TMEM245: variants seen among roughly 807,000 people sequenced by gnomAD.
The protein encoded by TMEM245 is transmembrane protein 245.
TMEM245 carries 69 observed loss-of-function variants against 101.2 expected under a neutral mutation model. That is an observed-to-expected ratio of 0.68 (90% CI 0.56 to 0.83). TMEM245 has a LOEUF of 0.83. TMEM245 is among the 40% of genes least tolerant of loss of function. The probability of loss-of-function intolerance (pLI) is 0.00; values close to 1 mark genes in which losing one functional copy is unlikely to be tolerated. For synonymous variants in TMEM245, 537 were observed against 449.8 expected, an observed-to-expected ratio of 1.19 and a Z score of -2.45; for missense variants, 1,075 against 1,092.8, an observed-to-expected ratio of 0.98 and a Z score of 0.23.
rs373014413 is a variant in TMEM245, at chr9:109,063,682, C to G, written c.1623+795G>C. Among the ~76,000 whole-genome samples the G allele has an allele frequency of 1.3e-3, 201 of 152,204 alleles. 1 individual carries two copies. The highest frequency in any genetic ancestry group is 4.6e-3 in the Admixed American group (71 of 15,286). On this transcript the variant is annotated intron_variant, in intron 10 of 17. Coordinates refer to ENST00000374586, the MANE Select transcript of TMEM245 (RefSeq NM_032012.4). ...GGAATCTAATCCTTAACTGTGCTGC[C>G]TTTCCTCTATCATTCATTTCCCCTT... is the stretch of plus-strand genomic sequence containing the variant.
chr9:109,093,001 G>C (rs779003117), intron 4 of TMEM245, among the ~76,000 whole-genome samples: 1 of 152,152 alleles, frequency 6.6e-6, no homozygotes, highest in Non-Finnish European at 1.5e-5. Flanking sequence ...CCAAAAAAAG[G>C]GTTGGGAAAA....
Position 109,019,137 on chromosome 9 carries a change from C to T in TMEM245, c.*1323G>A, listed in dbSNP as rs1446824006. On this transcript the variant is annotated 3_prime_UTR_variant, in exon 18 of 18. Coordinates refer to ENST00000374586, the MANE Select transcript of TMEM245 (RefSeq NM_032012.4). ...ACAGTAGAAAGGGTTCAGCTAAGAACTACAGTCCACTCTCAGCCCTGTCAT... is the reference window on the plus strand; with the variant it reads ...ACAGTAGAAAGGGTTCAGCTAAGAATTACAGTCCACTCTCAGCCCTGTCAT... The T allele has an allele frequency of 3.9e-5, 6 of 152,094 alleles. No individual in the cohort carries two copies. The highest frequency in any genetic ancestry group is 6.6e-5 in the Admixed American group (1 of 15,262). 9.4% of individuals were successfully genotyped at this position (152,094 alleles called of 1,614,324 possible).
chr9:109,106,837 T>C lies in TMEM245; in HGVS notation c.698-228A>G, dbSNP rs374746961. On this transcript the variant is annotated intron_variant, in intron 2 of 17. Coordinates refer to ENST00000374586, the MANE Select transcript of TMEM245 (RefSeq NM_032012.4). ...CCCCTGGTCAAATGGATAGGGTACATGCCTGCCTACCTTTAATGGGGTTCT... is the reference window on the plus strand; with the variant it reads ...CCCCTGGTCAAATGGATAGGGTACACGCCTGCCTACCTTTAATGGGGTTCT... 8.9e-4 allele frequency among the ~76,000 whole-genome samples: 135 copies of C among 152,256 alleles called. 2 individuals are homozygous for C. In the South Asian group the frequency reaches 0.025, roughly 28 times the overall value.
chr9:109,040,321 CTTCT>C (rs1828265021), intron 14 of TMEM245, among the ~76,000 whole-genome samples: 2 of 152,276 alleles, frequency 1.3e-5, no homozygotes, highest in South Asian at 4.1e-4. Flanking sequence ...GCAACTTTTT[CTTCT>C]TTTTTATATC....
intron 1 of TMEM245, among the ~76,000 whole-genome samples, chr9:109,118,459 A>G (rs1001257759): frequency 1.3e-5 from 2 of 152,238 alleles, no homozygotes; most frequent in African/African-American, 2.4e-5. Context: ...AACAGTCTCC[A>G]GTTAAATATG....
chr9:109,119,422 G>T lies in TMEM245; in HGVS notation c.492C>A (p.Cys164Ter). ...CCTGCACGCCCAAGTAGCTGCCGAGGCAGTAGAGGCCGTACAGGAGCGGGC... is the reference window on the plus strand; with the variant it reads ...CCTGCACGCCCAAGTAGCTGCCGAGTCAGTAGAGGCCGTACAGGAGCGGGC... ...AGGPLLYGLY[C>*]LGSYLGVQVL... Residue 164 changes from cysteine (C) to a stop codon, truncating the protein, a stop_gained, in exon 1 of 18, where the codon TGC (cysteine) becomes TGA (stop). Transcript: ENST00000374586. LOFTEE classifies it high-confidence loss of function. The T allele has an allele frequency of 6.6e-6, 10 of 1,524,634 alleles. No homozygotes were observed. The highest frequency in any genetic ancestry group is 8.8e-6 in the Non-Finnish European group (10 of 1,140,842). The allele number at this position is 1,524,634 out of a possible 1,614,324, so 94.4% of individuals were successfully genotyped here.
intron 17 of TMEM245, among the ~76,000 whole-genome samples, chr9:109,030,600 TG>T (rs1168875180): frequency 3.9e-5 from 6 of 152,238 alleles, no homozygotes; most frequent in African/African-American, 1.4e-4. Context: ...TGCATTCTGT[TG>T]ATTTCGAGCA....
At chr9:109,088,815 CAAAAA>C (rs772216738) in intron 5 of TMEM245, among the ~76,000 whole-genome samples, 1 of 67,460 alleles carries the variant, frequency 1.5e-5, no homozygotes, top group Non-Finnish European at 2.7e-5. Flanking sequence ...GACTACATCT[CAAAAA>C]AAAAAAAAAA....
In TMEM245 at chr9:109,119,371, G is replaced by C. The variant is rs558516873; in HGVS notation, c.543C>G (p.Leu181=). The C allele has an allele frequency of 5.9e-6, 9 of 1,530,104 alleles. No homozygotes were observed. In the African/African-American group the frequency reaches 9.8e-5, roughly 17 times the overall value. The allele number at this position is 1,530,104 out of a possible 1,614,324, so 94.8% of individuals were successfully genotyped here. ...TGAAGTAGTCCAGCCCGCGGCAGATGAGCGTGGCAGCGTGCACCAGCAGCA... is the reference window on the plus strand; with the variant it reads ...TGAAGTAGTCCAGCCCGCGGCAGATCAGCGTGGCAGCGTGCACCAGCAGCA... The part of the protein sequence containing the change: ...VQVLLVHAAT[L]ICRGLDYFSS... The change falls in exon 1 of 18, where the codon CTC becomes CTG. Residue 181 remains leucine, a synonymous_variant. Transcript: ENST00000374586.
At chr9:109,039,461 T>C (rs928055483) in intron 14 of TMEM245, 1 of 152,004 alleles carries the variant, frequency 6.6e-6, no homozygotes, top group Non-Finnish European at 1.5e-5. Context: ...CTCAAAGTCA[T>C]GGAGAAGGCC....
intron 9 of TMEM245, among the ~76,000 whole-genome samples, chr9:109,066,791 C>T (rs558593370): frequency 1.3e-5 from 2 of 152,050 alleles, no homozygotes; most frequent in African/African-American, 2.4e-5. Flanking sequence ...CATGGTGGCT[C>T]ACGCCTGTAA....
intron 2 of TMEM245, 114 bp downstream of exon 2, chr9:109,108,339 G>T: frequency 2.2e-6 from 1 of 448,494 alleles, no homozygotes. Context: ...TAAAGATTAA[G>T]AATGTTAAAT....
chr9:109,083,677 A>G (rs1318730407), intron 7 of TMEM245, among the ~76,000 whole-genome samples: 1 of 151,750 alleles, frequency 6.6e-6, no homozygotes. Flanking sequence ...CTTCTCTTTC[A>G]TTATTCTGGG....
At chr9:109,034,878 C>T (rs761790859) in intron 16 of TMEM245, among the ~76,000 whole-genome samples, 3 of 151,978 alleles carry the variant, frequency 2.0e-5, no homozygotes, top group East Asian at 1.9e-4. Context: ...TATTTTAGGC[C>T]GGGCATCGTG....
At chr9:109,109,434 GC>G (rs1830512022) in intron 1 of TMEM245, among the ~76,000 whole-genome samples, 1 of 134,748 alleles carries the variant, frequency 7.4e-6, no homozygotes, top group African/African-American at 2.9e-5. Flanking sequence ...CATGAACCTT[GC>G]CAAAAAAAAA....
At chr9:109,097,625 A>G (rs1395836265) in intron 3 of TMEM245, among the ~76,000 whole-genome samples, 1 of 152,210 alleles carries the variant, frequency 6.6e-6, no homozygotes, top group Non-Finnish European at 1.5e-5. Context: ...GAAATAATAC[A>G]TATAAAATGC....
At chr9:109,055,587 T>C (rs1387134274) in intron 12 of TMEM245, among the ~76,000 whole-genome samples, 4 of 152,142 alleles carry the variant, frequency 2.6e-5, no homozygotes, top group African/African-American at 4.8e-5. Flanking sequence ...CTATTGGATA[T>C]TGCAAGTATG....
Position 109,080,960 on chromosome 9 carries a change from AAG to A in TMEM245, c.1345-19_1345-18del, listed in dbSNP as rs1829651376. ...GATGATCATCTGCACAAAAACGAAA[AAG>A]AGAATTACTTATCTTTAAAGTAGAA... On this transcript the variant is annotated intron_variant, in intron 7 of 17. Coordinates refer to ENST00000374586, the MANE Select transcript of TMEM245 (RefSeq NM_032012.4). 1 of 1,462,930 alleles carries A rather than the reference AAG, an allele frequency of 6.8e-7. No homozygotes were observed. The highest frequency in any genetic ancestry group is 9.5e-7 in the Non-Finnish European group (1 of 1,049,140). 90.6% of individuals were successfully genotyped at this position (1,462,930 alleles called of 1,614,324 possible). A position where few individuals can be genotyped will look rare whatever the true frequency, so the allele number is the denominator to read the frequency against.
At chr9:109,074,874 C>G (rs1439456259) in intron 8 of TMEM245, among the ~76,000 whole-genome samples, 1 of 152,114 alleles carries the variant, frequency 6.6e-6, no homozygotes, top group African/African-American at 2.4e-5. Flanking sequence ...GGAAAACAAA[C>G]TGATTTCAGA....
Sources: gnomAD v4.1 joint callset for allele counts (sites outside exome capture counted in the v4.1 genomes callset) on GRCh38, gnomAD v4.1.1 for gene constraint, MANE v1.5 for transcripts, NCBI Gene and HGNC (gene_info 2026-07-23, HGNC 2026-07-21) for gene names.